SLC22A4: variants seen among roughly 807,000 people sequenced by gnomAD.
SLC22A4 encodes the protein ET transporter.
SLC22A4 carries 39 observed loss-of-function variants against 56.6 expected under a neutral mutation model. The ratio of observed to expected loss-of-function variants is 0.69; its 90% CI spans 0.53 to 0.90. The LOEUF (loss-of-function observed/expected upper bound fraction) is 0.90, where lower values mean the gene tolerates loss of function less well. Ranked by LOEUF, SLC22A4 falls within the 40% of genes least tolerant of loss-of-function variation. SLC22A4 has a pLI of 0.00. For missense variants in SLC22A4, 594 were observed against 696.5 expected, an observed-to-expected ratio of 0.85 and a Z score of 1.66; for synonymous variants, 241 against 281.4, an observed-to-expected ratio of 0.86 and a Z score of 1.44.
Position 132,322,182 on chromosome 5 carries a change from AG to A in SLC22A4, c.653del. 6.2e-7 allele frequency: 1 copy of A among 1,612,536 alleles called. No homozygotes were observed. Among genetic ancestry groups the A allele is most frequent in the Non-Finnish European group, 8.5e-7 (1 of 1,179,178 alleles). On this transcript the variant is annotated splice_acceptor_variant, in intron 3 of 9. Transcript: ENST00000200652. LOFTEE classifies it high-confidence loss of function. ...CTAATACTCCTCCCTTGTTTTGAAC[AG>A]GAACAGAAATTCTTGGCAAGTCAGT...
intron 4 of SLC22A4, among the ~76,000 whole-genome samples, chr5:132,324,262 T>C (rs1750619636): frequency 6.6e-6 from 1 of 151,980 alleles, no homozygotes; most frequent in Non-Finnish European, 1.5e-5. Flanking sequence ...AGAATAACAA[T>C]ATAAAGCCTC....
At chr5:132,335,712 G>A (rs981259116) in intron 7 of SLC22A4, 106 bp from the exon 8 acceptor site, 9 of 918,502 alleles carry the variant, frequency 9.8e-6, no homozygotes, top group Admixed American at 6.9e-5. Context: ...ATATATTTAT[G>A]TTAATAAAAG....
In SLC22A4 at chr5:132,336,048, T is replaced by A. The variant is rs766745418; in HGVS notation, c.1444+48T>A. The stretch of plus-strand genomic sequence containing the variant: ...GTTCTTCCTTTAAATTAGTTTTCAA[T>A]GTAAAAGTAAGATTTTCATTGTGAA... On this transcript the variant is annotated intron_variant, in intron 8 of 9. Transcript: ENST00000200652. 4 of 1,568,130 alleles carry A rather than the reference T, an allele frequency of 2.6e-6. No individual in the cohort carries two copies. In the South Asian group the frequency reaches 3.3e-5, roughly 13 times the overall value.
chr5:132,320,368 C>T (rs1020130595), intron 3 of SLC22A4, among the ~76,000 whole-genome samples: 1 of 152,198 alleles, frequency 6.6e-6, no homozygotes, highest in African/African-American at 2.4e-5. Context: ...AAGAATAAAG[C>T]ACCTTCTATT....
intron 3 of SLC22A4, among the ~76,000 whole-genome samples, chr5:132,314,652 C>T (rs1750283058): frequency 6.6e-6 from 1 of 152,214 alleles, no homozygotes. Context: ...AGAAGTCTAA[C>T]GATTCTTCTT....
At chr5:132,311,952 A>C in intron 1 of SLC22A4, 1 of 623,314 alleles carries the variant, frequency 1.6e-6, no homozygotes, top group Non-Finnish European at 2.9e-6. Context: ...CAGGGAGGGC[A>C]GTGACCTGCC....
chr5:132,324,845 C>T (rs1750645346), intron 4 of SLC22A4, among the ~76,000 whole-genome samples: 1 of 152,090 alleles, frequency 6.6e-6, no homozygotes, highest in Non-Finnish European at 1.5e-5. Flanking sequence ...AAATGATCAG[C>T]TAGATTTGAG....
chr5:132,304,293 G>C (rs183736818), intron 1 of SLC22A4, among the ~76,000 whole-genome samples: 8 of 152,322 alleles, frequency 5.3e-5, no homozygotes, highest in Non-Finnish European at 1.2e-4. Flanking sequence ...GCTAACAGCT[G>C]GGTGTGATAC....
In SLC22A4 at chr5:132,340,662, T is replaced by C. The variant is rs535181187; in HGVS notation, c.1542T>C (p.Thr514=). 1.2e-6 allele frequency: 2 copies of C among 1,614,084 alleles called. No individual in the cohort carries two copies. Among genetic ancestry groups the C allele is most frequent in the South Asian group, 2.2e-5 (2 of 91,088 alleles). ...TLFFPESLGM[T]LPETLEQMQK... is the part of the protein sequence containing the mutation. ...TTTTCCCTGAAAGTTTGGGAATGAC[T>C]CTTCCAGAAACCTTAGAGCAGATGC... Residue 514 remains threonine, a synonymous_variant, in exon 9 of 10, where the codon ACT becomes ACC. Transcript: ENST00000200652.
chr5:132,331,577 T>G (rs999139666), intron 5 of SLC22A4, among the ~76,000 whole-genome samples, 179 bp from the exon 6 acceptor site: 1 of 152,208 alleles, frequency 6.6e-6, no homozygotes, highest in African/African-American at 2.4e-5. Flanking sequence ...ACAAACATTT[T>G]AAAGTGTCAG....
chr5:132,303,736 C>T (rs1013450500), intron 1 of SLC22A4, among the ~76,000 whole-genome samples: 6 of 152,184 alleles, frequency 3.9e-5, no homozygotes, highest in Admixed American at 2.0e-4. Flanking sequence ...TTGCCCTTAT[C>T]CCAGCTCATT....
intron 8 of SLC22A4, among the ~76,000 whole-genome samples, chr5:132,339,545 C>A (rs1751140562): frequency 6.6e-6 from 1 of 151,870 alleles, no homozygotes; most frequent in South Asian, 2.1e-4. Context: ...ATAATCCAAA[C>A]CCTTACAGAG....
chr5:132,316,265 C>T (rs1219365282), intron 3 of SLC22A4, among the ~76,000 whole-genome samples: 1 of 152,122 alleles, frequency 6.6e-6, no homozygotes, highest in South Asian at 2.1e-4. Context: ...CTGCCACAGT[C>T]GTAGCAGACT....
At chr5:132,340,851 C>T in intron 9 of SLC22A4, 151 bp downstream of exon 9, 1 of 848,342 alleles carries the variant, frequency 1.2e-6, no homozygotes, top group African/African-American at 1.7e-5. Context: ...CACAGTGGCT[C>T]ACGCCTGTAA....
chr5:132,326,144 C>T (rs1750682715), intron 4 of SLC22A4, among the ~76,000 whole-genome samples: 1 of 152,194 alleles, frequency 6.6e-6, no homozygotes, highest in Non-Finnish European at 1.5e-5. Context: ...TTTCTTCCAC[C>T]TCCAGTTTGC....
chr5:132,298,335 A>G (rs1328987202), intron 1 of SLC22A4, among the ~76,000 whole-genome samples: 1 of 152,272 alleles, frequency 6.6e-6, no homozygotes, highest in Non-Finnish European at 1.5e-5. Context: ...CAACGTGGAT[A>G]AACCTTGAGG....
chr5:132,306,286 ACAG>A, intron 1 of SLC22A4, among the ~76,000 whole-genome samples: 1 of 150,792 alleles, frequency 6.6e-6, no homozygotes, highest in African/African-American at 2.4e-5. Context: ...ATGAATGTTC[ACAG>A]CAGCATTATT....
intron 4 of SLC22A4, among the ~76,000 whole-genome samples, chr5:132,322,574 A>G (rs539495829): frequency 1.3e-5 from 2 of 152,194 alleles, no homozygotes; most frequent in East Asian, 3.9e-4. Flanking sequence ...CAGGATTCCA[A>G]TCTCTTCCTT....
Position 132,334,741 on chromosome 5 carries a change from TTGCTC to T in SLC22A4, c.1073_1077del (p.Ala358ValfsTer6), listed in dbSNP as rs1561547004. On this transcript the variant is annotated frameshift_variant, in exon 7 of 10. Transcript: ENST00000200652. LOFTEE classifies it high-confidence loss of function. ...AGGATGCTGACCTCAGTGGGTTACT[TTGCTC>T]TGTCTCTGGATGCTCCTAATTTACA... The T allele has an allele frequency of 1.2e-6, 2 of 1,613,900 alleles. No individual in the cohort carries two copies. Among genetic ancestry groups the T allele is most frequent in the South Asian group, 2.2e-5 (2 of 91,082 alleles).
Sources: allele counts gnomAD v4.1 joint callset (sites outside exome capture counted in the v4.1 genomes callset), GRCh38; gene constraint gnomAD v4.1.1; transcripts MANE v1.5; gene names NCBI Gene and HGNC (gene_info 2026-07-23, HGNC 2026-07-21).